CSMD2: variants seen among roughly 807,000 people sequenced by gnomAD.
The protein encoded by CSMD2 is CUB and sushi domain-containing protein 2.
A neutral mutation model predicts 398.5 loss-of-function variants in CSMD2; 130 were observed. The observed-to-expected ratio is 0.33, with a 90% CI of 0.28 to 0.38. CSMD2 has a LOEUF of 0.38. CSMD2 is among the 10% of genes least tolerant of loss of function. CSMD2 has a pLI of 1.00. For missense variants in CSMD2, 3,829 were observed against 4,764.9 expected (o/e 0.80, Z 5.78); for synonymous variants, 1,828 against 1,908.5 (o/e 0.96, Z 1.10).
chr1:33,756,582 G>C (rs1036122370), intron 13 of CSMD2, among the ~76,000 whole-genome samples: 1 of 152,216 alleles, frequency 6.6e-6, no homozygotes, highest in South Asian at 2.1e-4. Flanking sequence ...AAGGGCAAAG[G>C]CCCTGGGGTG....
chr1:34,021,366 A>G (rs1336707575), intron 3 of CSMD2, among the ~76,000 whole-genome samples: 1 of 152,202 alleles, frequency 6.6e-6, no homozygotes, highest in Non-Finnish European at 1.5e-5. Flanking sequence ...ACAGATATGC[A>G]TGTCCAGCTA....
intron 1 of CSMD2, among the ~76,000 whole-genome samples, chr1:34,142,727 T>G (rs1348555945): frequency 6.6e-6 from 1 of 152,206 alleles, no homozygotes; most frequent in Non-Finnish European, 1.5e-5. Context: ...TTACTTAACA[T>G]GATTGAACCT....
At chr1:34,160,090 A>T (rs187169490) in intron 1 of CSMD2, among the ~76,000 whole-genome samples, 1 of 152,292 alleles carries the variant, frequency 6.6e-6, no homozygotes, top group East Asian at 1.9e-4. Context: ...GGTCAGGCAC[A>T]TGAATGAGGG....
In CSMD2 at chr1:33,616,981, G is replaced by A; in HGVS notation, c.5947-6C>T. 1 of 1,613,734 alleles carries A rather than the reference G, an allele frequency of 6.2e-7. No homozygotes were observed. Among genetic ancestry groups the A allele is most frequent in the South Asian group, 1.1e-5 (1 of 91,058 alleles). On this transcript the variant is annotated splice_region_variant and splice_polypyrimidine_tract_variant and intron_variant, in intron 38 of 70. Transcript: ENST00000373381. ...CAGGAGATGTGGGCGTGGCCCTGGA[G>A]GAATCAGGAACAGGGATGGGCTAGC...
chr1:33,698,401 T>C (rs1296191110), intron 24 of CSMD2, among the ~76,000 whole-genome samples: 2 of 152,184 alleles, frequency 1.3e-5, no homozygotes, highest in African/African-American at 4.8e-5. Context: ...CGATAAGCCC[T>C]GGAACTCAGG....
Position 33,602,420 on chromosome 1 carries a change from A to G in CSMD2, c.6659T>C (p.Leu2220Pro). ...ITVPIGHGVRLNLSLLQTEPS... is the reference protein window; with the variant it reads ...ITVPIGHGVRPNLSLLQTEPS... ...CTCTGTCTGCAGCAGGCTGAGGTTG[A>G]GGCGGACGCCATGGCCAATGGGCAC... The change falls in exon 43 of 71, where the codon CTC becomes CCC. Residue 2220 changes from leucine (L) to proline (P), a missense_variant. This residue lies in a region of CSMD2 where 723 missense variants were observed against 758.6 expected (regional missense o/e 0.95). Transcript: ENST00000373381. 6.2e-7 allele frequency: 1 copy of G among 1,613,972 alleles called. No homozygotes were observed. The highest frequency in any genetic ancestry group is 8.5e-7 in the Non-Finnish European group (1 of 1,179,960).
At chr1:33,828,693 G>T (rs932426348) in intron 6 of CSMD2, among the ~76,000 whole-genome samples, 1 of 152,088 alleles carries the variant, frequency 6.6e-6, no homozygotes, top group Non-Finnish European at 1.5e-5. Flanking sequence ...CTCTTCTCAC[G>T]GTTGCATTGA....
intron 1 of CSMD2, among the ~76,000 whole-genome samples, chr1:34,112,006 CTCTCTCTCTCTCTT>C (rs1005313782): frequency 1.8e-5 from 2 of 114,250 alleles, no homozygotes; most frequent in Admixed American, 8.3e-5. Flanking sequence ...CTCTCTCTCT[CTCTCTCTCTCTCTT>C]TCTCTCTCTT....
At chr1:34,080,027 T>C (rs1413425035) in intron 2 of CSMD2, among the ~76,000 whole-genome samples, 1 of 147,732 alleles carries the variant, frequency 6.8e-6, no homozygotes, top group African/African-American at 2.5e-5. Context: ...AACAATAATA[T>C]AGATATATTA....
intron 1 of CSMD2, among the ~76,000 whole-genome samples, chr1:34,160,903 G>C (rs1374939052): frequency 6.6e-6 from 1 of 152,004 alleles, no homozygotes; most frequent in Non-Finnish European, 1.5e-5. Context: ...AATTGGCACG[G>C]GAAAAATCAG....
chr1:33,941,912 T>C (rs952379101), intron 3 of CSMD2, among the ~76,000 whole-genome samples: 2 of 152,148 alleles, frequency 1.3e-5, no homozygotes, highest in Non-Finnish European at 2.9e-5. Flanking sequence ...ACAAATGATA[T>C]GTATTTTTGC....
rs1391507406 is a variant in CSMD2 at position 33,624,419 on chromosome 1, T to A, written c.5625+100A>T. 4.1e-6 allele frequency: 6 copies of A among 1,474,404 alleles called. No individual in the cohort carries two copies. Among genetic ancestry groups the A allele is most frequent in the Non-Finnish European group, 5.5e-6 (6 of 1,082,306 alleles). The allele number at this position is 1,474,404 out of a possible 1,614,324, so 91.3% of individuals were successfully genotyped here. A position where few individuals can be genotyped will look rare whatever the true frequency, so the allele number is the denominator to read the frequency against. On this transcript the variant is annotated intron_variant, in intron 35 of 70. Coordinates refer to ENST00000373381, the MANE Select transcript of CSMD2 (RefSeq NM_001281956.2). This position sits in a 1 kb window ranked among gnomAD's most constrained non-coding sequence, Gnocchi z 4.7. ...ATGTCTCTTCCTGGCTCACCCTGAC[T>A]CAGGCCTTGGCACCAGCCAGCACCT...
At chr1:33,643,914 G>A (rs979174755) in intron 29 of CSMD2, among the ~76,000 whole-genome samples, 1 of 149,436 alleles carries the variant, frequency 6.7e-6, no homozygotes, top group Non-Finnish European at 1.5e-5. Flanking sequence ...AGGAAGGAAG[G>A]AAGGAAGGAA....
rs1253938794 is a variant in CSMD2 at position 33,557,772 on chromosome 1, C to A, written c.8705G>T (p.Gly2902Val). 1.3e-6 allele frequency: 2 copies of A among 1,535,974 alleles called. No homozygotes were observed. The highest frequency in any genetic ancestry group is 2.4e-5 in the South Asian group (2 of 84,056). The change falls in exon 55 of 71, where the codon GGA becomes GTA. Residue 2902 changes from glycine to valine, a missense_variant. Gly to Val is a moderately radical substitution (Grantham distance 109). This residue lies in a region of CSMD2 where 917 missense variants were observed against 1,199.5 expected (regional missense o/e 0.76). Transcript: ENST00000373381. ...LLGTPVLSCQ[G>V]DGTWDRPRPQ... is the part of the protein sequence containing the mutation. Reference sequence around the variant, plus strand: ...GCGGGGACGGTCCCATGTGCCATCTCCCTGGCAGCTGAGCACTGGGGTGCC... The same window carrying A: ...GCGGGGACGGTCCCATGTGCCATCTACCTGGCAGCTGAGCACTGGGGTGCC...
At chr1:33,540,281 C>T (rs1439197606) in intron 60 of CSMD2, among the ~76,000 whole-genome samples, 2 of 151,876 alleles carry the variant, frequency 1.3e-5, no homozygotes, top group Non-Finnish European at 2.9e-5. Flanking sequence ...AAAACACCCC[C>T]AATATCTCTA....
chr1:33,602,518 G>C lies in CSMD2; in HGVS notation c.6561C>G (p.Ser2187=). The C allele has an allele frequency of 6.3e-7, 1 of 1,592,514 alleles. No individual in the cohort carries two copies. The highest frequency in any genetic ancestry group is 8.5e-7 in the Non-Finnish European group (1 of 1,169,966). Reference sequence around the variant, plus strand: ...ACCCCGGGGAGTACACAGTGCCGTTGGAAGAAGTGATGTTCCCGCCACAAG... The same window carrying C: ...ACCCCGGGGAGTACACAGTGCCGTTCGAAGAAGTGATGTTCCCGCCACAAG... ...EVPCGGNITS[S]NGTVYSPGFP... is the part of the protein sequence containing the mutation. The change falls in exon 43 of 71, where the codon TCC becomes TCG. Residue 2187 remains serine, a synonymous_variant. Coordinates refer to ENST00000373381, the MANE Select transcript of CSMD2 (RefSeq NM_001281956.2).
At chr1:33,820,580 A>AAC (rs777386447) in intron 7 of CSMD2, 24 bp from the exon 8 acceptor site, 18 of 1,175,894 alleles carry the variant, frequency 1.5e-5, no homozygotes, top group South Asian at 1.3e-4. Flanking sequence ...AAAAAAAAAA[A>AAC]AAAAAAAACA....
At chr1:33,768,256 G>A (rs761845317) in intron 13 of CSMD2, among the ~76,000 whole-genome samples, 3 of 152,078 alleles carry the variant, frequency 2.0e-5, no homozygotes, top group South Asian at 4.1e-4. Context: ...TAGACTAGTC[G>A]TTCTTAATCT....
intron 47 of CSMD2, among the ~76,000 whole-genome samples, chr1:33,582,581 C>A (rs1023893543): frequency 1.3e-5 from 2 of 152,182 alleles, no homozygotes; most frequent in Non-Finnish European, 2.9e-5. Context: ...AAAAGACCTA[C>A]TACTGTTTAC....
Sources: allele counts gnomAD v4.1 joint callset (sites outside exome capture counted in the v4.1 genomes callset), GRCh38; gene constraint gnomAD v4.1.1; regional missense constraint gnomAD v4.1.1; non-coding constraint Gnocchi (gnomAD v3.1); transcripts MANE v1.5; gene names NCBI Gene and HGNC (gene_info 2026-07-23, HGNC 2026-07-21).